PDE4D: variants seen among roughly 807,000 people sequenced by gnomAD.
The protein encoded by PDE4D is phosphodiesterase 4D.
Under a neutral mutation model 87.4 loss-of-function variants are expected in PDE4D, and 24 were observed. That is an observed-to-expected ratio of 0.27 (90% CI 0.20 to 0.39). The LOEUF is 0.39. PDE4D is among the 10% of genes least tolerant of loss of function. PDE4D has a pLI of 1.00. For synonymous variants in PDE4D, 384 were observed against 383.2 expected (o/e 1.00, Z -0.02); for missense variants, 714 against 1,041.0 (o/e 0.69, Z 4.32).
intron 1 of PDE4D, among the ~76,000 whole-genome samples, chr5:59,629,265 C>A (rs991858053): frequency 5.3e-5 from 8 of 152,064 alleles, no homozygotes; most frequent in Non-Finnish European, 1.0e-4. Context: ...GAAGCCTAAC[C>A]TCTCAGTACC....
At chr5:59,819,054 A>G (rs1188860103) in intron 1 of PDE4D, among the ~76,000 whole-genome samples, 2 of 152,316 alleles carry the variant, frequency 1.3e-5, no homozygotes, top group Middle Eastern at 3.4e-3. Context: ...ACTTTGATCT[A>G]TACGTGCCTT....
intron 1 of PDE4D, among the ~76,000 whole-genome samples, chr5:59,432,964 T>C (rs922586839): frequency 5.9e-5 from 9 of 152,164 alleles, no homozygotes; most frequent in African/African-American, 2.2e-4. Context: ...TTTCATAATT[T>C]GGGAGAAACA....
intron 1 of PDE4D, among the ~76,000 whole-genome samples, chr5:59,401,709 C>T (rs940063842): frequency 4.6e-5 from 7 of 152,104 alleles, no homozygotes; most frequent in African/African-American, 1.7e-4. Flanking sequence ...GCTCTTGCAG[C>T]AATTGGTTTT....
At chr5:59,742,959 A>G (rs1376999731) in intron 1 of PDE4D, among the ~76,000 whole-genome samples, 1 of 152,208 alleles carries the variant, frequency 6.6e-6, no homozygotes, top group Non-Finnish European at 1.5e-5. Context: ...TTTACCACTT[A>G]GCACACTGCA....
chr5:60,458,724 C>T, intron 1 of PDE4D, among the ~76,000 whole-genome samples: 1 of 149,806 alleles, frequency 6.7e-6, no homozygotes, highest in East Asian at 2.0e-4. Context: ...GTGAGCAGCA[C>T]ATCAAGATAA....
intron 3 of PDE4D, among the ~76,000 whole-genome samples, chr5:59,949,684 AG>A (rs1758098436): frequency 6.6e-6 from 1 of 152,180 alleles, no homozygotes; most frequent in Admixed American, 6.5e-5. Context: ...ATCAACATTA[AG>A]AAAAAACTTC....
chr5:59,693,281 T>G (rs1407247122), intron 1 of PDE4D, among the ~76,000 whole-genome samples: 1 of 151,954 alleles, frequency 6.6e-6, no homozygotes, highest in Non-Finnish European at 1.5e-5. Context: ...AATAAACCAA[T>G]AAAACATGAG....
chr5:59,971,383 A>T (rs535412589), intron 3 of PDE4D, among the ~76,000 whole-genome samples: 3 of 62,374 alleles, frequency 4.8e-5, no homozygotes, highest in Non-Finnish European at 8.8e-5. Context: ...AATAAATAAA[A>T]AAGAGAGAGA....
At chr5:60,279,857 T>C (rs1332255496) in intron 1 of PDE4D, among the ~76,000 whole-genome samples, 1 of 151,902 alleles carries the variant, frequency 6.6e-6, no homozygotes, top group Non-Finnish European at 1.5e-5. Context: ...ATTTTTTGTG[T>C]TTTTAGTAGA....
chr5:60,509,958 C>G lies in PDE4D; in HGVS notation n.70+12093G>C, dbSNP rs542581153. Among the ~76,000 whole-genome samples the G allele has an allele frequency of 4.6e-5, 7 of 152,254 alleles. 1 individual carries two copies. Among genetic ancestry groups the G allele is most frequent in the African/African-American group, 1.7e-4 (7 of 41,546 alleles). On this transcript the variant is annotated intron_variant and non_coding_transcript_variant, in intron 1 of 2. Transcript: ENST00000506510. ...GGTGCCAGTGGGACCAGTATAAGGGCTGAGGAACCAACCCATAGGTGAAGC... is the reference window on the plus strand; with the variant it reads ...GGTGCCAGTGGGACCAGTATAAGGGGTGAGGAACCAACCCATAGGTGAAGC...
intron 1 of PDE4D, among the ~76,000 whole-genome samples, chr5:59,353,523 A>G (rs1203552182): frequency 1.3e-5 from 2 of 152,188 alleles, no homozygotes; most frequent in Non-Finnish European, 2.9e-5. Context: ...GAACCTAGGC[A>G]GATAAATCAG....
At chr5:59,127,477 T>G (rs1775578020) in intron 5 of PDE4D, among the ~76,000 whole-genome samples, 1 of 151,924 alleles carries the variant, frequency 6.6e-6, no homozygotes, top group African/African-American at 2.4e-5. Flanking sequence ...CAGGCAGCAG[T>G]GTGTGTGAGT....
At chr5:59,733,815 A>T (rs1423178300) in intron 1 of PDE4D, among the ~76,000 whole-genome samples, 2 of 152,084 alleles carry the variant, frequency 1.3e-5, no homozygotes, top group Middle Eastern at 3.2e-3. Flanking sequence ...TATTAAGCAT[A>T]TAAGTTAGAA....
intron 6 of PDE4D, among the ~76,000 whole-genome samples, chr5:59,032,534 G>A (rs1019274887): frequency 1.4e-4 from 21 of 152,136 alleles, no homozygotes; most frequent in African/African-American, 4.3e-4. Context: ...AGCTGAGATC[G>A]TATCACTGTA....
chr5:60,478,023 G>A (rs1351749035), intron 1 of PDE4D, among the ~76,000 whole-genome samples: 1 of 152,074 alleles, frequency 6.6e-6, no homozygotes, highest in Admixed American at 6.6e-5. Flanking sequence ...ACTATGTTTT[G>A]GAACTGTTTG....
At chr5:60,159,798 T>C (rs1437689991) in intron 2 of PDE4D, among the ~76,000 whole-genome samples, 1 of 152,214 alleles carries the variant, frequency 6.6e-6, no homozygotes, top group African/African-American at 2.4e-5. Flanking sequence ...ATTGACTTCT[T>C]AGAAATCAAG....
At chr5:59,956,213 G>A (rs1238606740) in intron 3 of PDE4D, among the ~76,000 whole-genome samples, 3 of 152,160 alleles carry the variant, frequency 2.0e-5, no homozygotes, top group Non-Finnish European at 2.9e-5. Flanking sequence ...ATGGGAGAAG[G>A]TGGAGTTTTG....
intron 1 of PDE4D, among the ~76,000 whole-genome samples, chr5:60,333,486 C>T (rs1479465056): frequency 2.0e-5 from 3 of 152,118 alleles, no homozygotes; most frequent in Non-Finnish European, 2.9e-5. Flanking sequence ...GTTTTAGCTC[C>T]GAACCTTGTC....
intron 1 of PDE4D, among the ~76,000 whole-genome samples, chr5:59,572,904 A>G (rs1822124182): frequency 6.6e-6 from 1 of 152,244 alleles, no homozygotes; most frequent in Non-Finnish European, 1.5e-5. Flanking sequence ...AAATATATCA[A>G]ACACACTAAG....
Sources: allele counts gnomAD v4.1 joint callset (sites outside exome capture counted in the v4.1 genomes callset), GRCh38; gene constraint gnomAD v4.1.1; transcripts MANE v1.5; gene names NCBI Gene and HGNC (gene_info 2026-07-23, HGNC 2026-07-21).